Variants in ARHGEF33 observed in about 807,000 individuals in gnomAD.
ARHGEF33 encodes DH and coiled-coil domain-containing protein ENSP00000381780.
ARHGEF33 carries 72 observed loss-of-function variants against 101.9 expected under a neutral mutation model. The observed-to-expected ratio is 0.71, with a 90% CI of 0.58 to 0.86. The LOEUF (loss-of-function observed/expected upper bound fraction) is 0.86, where lower values mean the gene tolerates loss of function less well. Ranked by LOEUF, ARHGEF33 falls within the 40% of genes least tolerant of loss-of-function variation. The pLI, the probability that ARHGEF33 is intolerant of heterozygous loss-of-function variation, is 0.00. For missense variants in ARHGEF33, 1,169 were observed against 1,111.3 expected, an observed-to-expected ratio of 1.05 and a Z score of -0.74; for synonymous variants, 499 against 442.5, an observed-to-expected ratio of 1.13 and a Z score of -1.60.
chr2:38,967,742 ATTT>A (rs546430517), intron 17 of ARHGEF33, among the ~76,000 whole-genome samples: 1 of 128,334 alleles, frequency 7.8e-6, no homozygotes, highest in Admixed American at 7.9e-5. Flanking sequence ...CGCCCTGGCT[ATTT>A]TTTTTTTTTT....
intron 2 of ARHGEF33, among the ~76,000 whole-genome samples, chr2:38,897,160 C>T (rs574262846): frequency 4.6e-5 from 7 of 152,162 alleles, no homozygotes; most frequent in East Asian, 3.9e-4. Flanking sequence ...GTGGTCCGCC[C>T]GCCTCGGCCT....
chr2:38,955,647 T>G (rs2124418093), intron 13 of ARHGEF33, among the ~76,000 whole-genome samples: 1 of 151,672 alleles, frequency 6.6e-6, no homozygotes, highest in East Asian at 1.9e-4. Context: ...CTACAGGCAC[T>G]TGCCACCATG....
chr2:38,932,131 A>AT (rs903242924), intron 7 of ARHGEF33, among the ~76,000 whole-genome samples: 16 of 151,002 alleles, frequency 1.1e-4, no homozygotes, highest in African/African-American at 2.7e-4. Context: ...TTTTATTATC[A>AT]TTTTTTTTTG....
chr2:38,951,192 A>G lies in ARHGEF33; in HGVS notation c.1053+71A>G, dbSNP rs549898183. The G allele has an allele frequency of 8.3e-5, 118 of 1,416,250 alleles. 1 individual carries two copies. The Middle Eastern group carries it at 9.4e-4, about 11-fold the overall frequency. The allele number at this position is 1,416,250 out of a possible 1,614,324, so 87.7% of individuals were successfully genotyped here. A position where few individuals can be genotyped will look rare whatever the true frequency, so the allele number is the denominator to read the frequency against. On this transcript the variant is annotated intron_variant, in intron 11 of 17. Coordinates refer to ENST00000409978, the MANE Select transcript of ARHGEF33 (RefSeq NM_001145451.5). ...GTGTCTCATTTGTCTACTTCTCTTAATAGAGAATCTAGAAGCAGTGAATTT... is the reference window on the plus strand; with the variant it reads ...GTGTCTCATTTGTCTACTTCTCTTAGTAGAGAATCTAGAAGCAGTGAATTT...
chr2:38,919,007 C>A (rs1666697674), intron 2 of ARHGEF33, among the ~76,000 whole-genome samples: 1 of 152,082 alleles, frequency 6.6e-6, no homozygotes, highest in Non-Finnish European at 1.5e-5. Flanking sequence ...GACTGCATCA[C>A]TGCACTCTAT....
intron 2 of ARHGEF33, among the ~76,000 whole-genome samples, chr2:38,908,235 G>C (rs568579344): frequency 6.6e-6 from 1 of 152,068 alleles, no homozygotes; most frequent in Non-Finnish European, 1.5e-5. Context: ...TGAGATTAAA[G>C]AGAGTCAAGT....
At chr2:38,968,823 A>T (rs1389578022) in intron 17 of ARHGEF33, among the ~76,000 whole-genome samples, 2 of 152,206 alleles carry the variant, frequency 1.3e-5, no homozygotes, top group African/African-American at 4.8e-5. Context: ...CAGTACCATC[A>T]GGTGCTTAGG....
At chr2:38,951,647 A>G (rs1667608923) in intron 11 of ARHGEF33, among the ~76,000 whole-genome samples, 1 of 152,058 alleles carries the variant, frequency 6.6e-6, no homozygotes, top group Non-Finnish European at 1.5e-5. Flanking sequence ...ATGTATATAT[A>G]TGCATCTGTG....
At position 38,974,497 on chromosome 2, in the gene ARHGEF33, A is replaced by G. The variant is rs1313471875; in HGVS notation, c.*654A>G. On this transcript the variant is annotated 3_prime_UTR_variant, in exon 18 of 18. Transcript: ENST00000409978. ...TTGTTCTGTGGTTATGGAAATCAGTAAAGGGAACAAGGATTTCTGTAGAAA... is the reference window on the plus strand; with the variant it reads ...TTGTTCTGTGGTTATGGAAATCAGTGAAGGGAACAAGGATTTCTGTAGAAA... 1 of 152,246 alleles carries G rather than the reference A, an allele frequency of 6.6e-6. No homozygotes were observed. The highest frequency in any genetic ancestry group is 1.5e-5 in the Non-Finnish European group (1 of 68,052). 9.4% of individuals were successfully genotyped at this position (152,246 alleles called of 1,614,324 possible). A position where few individuals can be genotyped will look rare whatever the true frequency, so the allele number is the denominator to read the frequency against.
At chr2:38,949,517 C>G (rs899417080) in intron 10 of ARHGEF33, among the ~76,000 whole-genome samples, 20 of 151,958 alleles carry the variant, frequency 1.3e-4, no homozygotes, top group African/African-American at 4.8e-4. Flanking sequence ...CCTTCTCTGA[C>G]GTCTCCCTTC....
intron 2 of ARHGEF33, among the ~76,000 whole-genome samples, chr2:38,896,873 T>TG (rs1195649984): frequency 2.0e-5 from 3 of 152,194 alleles, no homozygotes; most frequent in African/African-American, 7.2e-5. Context: ...GTTAGTAGTT[T>TG]GGTATAAATC....
At chr2:38,928,866 A>G (rs895137717) in intron 4 of ARHGEF33, 41 bp from the exon 5 acceptor site, 11 of 1,518,362 alleles carry the variant, frequency 7.2e-6, no homozygotes, top group Middle Eastern at 1.7e-4. Flanking sequence ...CACTTACAGT[A>G]ATTTCCAGCA....
rs961270233 is a variant in ARHGEF33 at position 38,957,114 on chromosome 2, C to T, written c.1370+67C>T. 192 of 1,519,414 alleles carry T rather than the reference C, an allele frequency of 1.3e-4. 1 individual carries two copies. The African/African-American group carries it at 2.4e-3, about 19-fold the overall frequency. 94.1% of individuals were successfully genotyped at this position (1,519,414 alleles called of 1,614,324 possible). On this transcript the variant is annotated intron_variant, in intron 14 of 17. Coordinates refer to ENST00000409978, the MANE Select transcript of ARHGEF33 (RefSeq NM_001145451.5). ...TACTATGGGTGTCTTTCACAAGTAA[C>T]CACGTTGTGTGTTAAGTACCTGAAA...
chr2:38,972,996 C>G (rs1293493510), intron 17 of ARHGEF33: 1 of 152,196 alleles, frequency 6.6e-6, no homozygotes, highest in African/African-American at 2.4e-5. Context: ...TTCCAGAAAG[C>G]CTCCTCCCTC....
chr2:38,961,660 A>G (rs1427585193), intron 16 of ARHGEF33, among the ~76,000 whole-genome samples: 2 of 152,128 alleles, frequency 1.3e-5, no homozygotes, highest in African/African-American at 4.8e-5. Context: ...GCTCTGTGCT[A>G]ATTGCTGAAA....
chr2:38,907,527 A>G (rs1228002168), intron 2 of ARHGEF33, among the ~76,000 whole-genome samples: 2 of 152,170 alleles, frequency 1.3e-5, no homozygotes, highest in East Asian at 3.8e-4. Context: ...ACAATGTACT[A>G]CTAACTCAGC....
chr2:38,950,951 AC>A, intron 10 of ARHGEF33, 37 bp from the exon 11 acceptor site: 1 of 1,545,008 alleles, frequency 6.5e-7, no homozygotes, highest in Non-Finnish European at 8.7e-7. Context: ...TCTTCTCTAC[AC>A]CTTGTTTGTG....
intron 2 of ARHGEF33, among the ~76,000 whole-genome samples, chr2:38,898,219 T>C (rs1666163731): frequency 6.6e-6 from 1 of 152,216 alleles, no homozygotes; most frequent in Admixed American, 6.5e-5. Context: ...TAAAAAGATA[T>C]ATTGCTAAAA....
At position 38,928,983 on chromosome 2, in the gene ARHGEF33, A is replaced by T; in HGVS notation, c.152A>T (p.Glu51Val). 8 of 1,551,656 alleles carry T rather than the reference A, an allele frequency of 5.2e-6. No homozygotes were observed. Among genetic ancestry groups the T allele is most frequent in the Non-Finnish European group, 7.0e-6 (8 of 1,146,858 alleles). Residue 51 changes from glutamate to valine, a missense_variant, in exon 5 of 18, where the codon GAA becomes GTA. Transcript: ENST00000409978. ...MQELSRIQHG[E>V]YALEEKVKSC... ...GAACTGTCAAGAATTCAACATGGAG[A>T]ATATGCTTTGGAAGAAAAGGTTAAG...
Sources: allele counts gnomAD v4.1 joint callset (sites outside exome capture counted in the v4.1 genomes callset), GRCh38; gene constraint gnomAD v4.1.1; transcripts MANE v1.5; gene names NCBI Gene and HGNC (gene_info 2026-07-23, HGNC 2026-07-21).